DDX53: variants seen among roughly 807,000 people sequenced by gnomAD.
DDX53 encodes DEAD box protein 53.
For synonymous variants in DDX53, 179 were observed against 170.8 expected, an observed-to-expected ratio of 1.05 and a Z score of -0.37; for missense variants, 481 against 485.1, an observed-to-expected ratio of 0.99 and a Z score of 0.08.
In DDX53 at chrX:23,001,188, G is replaced by A. The variant is rs868827027; in HGVS notation, c.1131G>A (p.Glu377=). 1.7e-6 allele frequency: 2 copies of A among 1,211,396 alleles called. No homozygotes were observed. Among genetic ancestry groups the A allele is most frequent in the South Asian group, 1.8e-5 (1 of 56,877 alleles). The change falls in exon 1 of 1, where the codon GAG becomes GAA. Residue 377 remains glutamate (E), a synonymous_variant. Transcript: ENST00000327968. ...LRSITYLVID[E]ADKMLDMEFE... Reference sequence around the variant, plus strand: ...GCATAACCTACTTGGTTATAGATGAGGCAGATAAAATGCTGGATATGGAAT... The same window carrying A: ...GCATAACCTACTTGGTTATAGATGAAGCAGATAAAATGCTGGATATGGAAT...
chrX:23,002,008 G>T lies in DDX53; in HGVS notation c.*55G>T, dbSNP rs1177159201. 1.0e-6 allele frequency: 1 copy of T among 969,759 alleles called. No individual in the cohort carries two copies. Among genetic ancestry groups the T allele is most frequent in the Non-Finnish European group, 1.4e-6 (1 of 718,712 alleles). 79.9% of individuals were successfully genotyped at this position (969,759 alleles called of 1,213,427 possible). A position where few individuals can be genotyped will look rare whatever the true frequency, so the allele number is the denominator to read the frequency against. ...AGGCATGTTAAAGATATGCAGTATT[G>T]AATATATGTAAGGAAGTATTGGAAA... is the stretch of plus-strand genomic sequence containing the variant. On this transcript the variant is annotated 3_prime_UTR_variant, in exon 1 of 1. Transcript: ENST00000327968.
rs1057011550 is a variant in DDX53 at position 23,000,086 on chromosome X, G to C, written c.29G>C (p.Arg10Thr). 4 of 1,143,806 alleles carry C rather than the reference G, an allele frequency of 3.5e-6. No individual in the cohort carries two copies. In the African/African-American group the frequency reaches 7.3e-5, roughly 21 times the overall value. 94.3% of individuals were successfully genotyped at this position (1,143,806 alleles called of 1,213,427 possible). Residue 10 changes from arginine (R) to threonine (T), a missense_variant, in exon 1 of 1, where the codon AGG becomes ACG. By Grantham distance (71) the Arg-to-Thr change is moderately conservative (BLOSUM62 -1). Transcript: ENST00000327968. ...TCCCACTGGGCCCCAGAGTGGAAGA[G>C]GGCGGAGGCTAATCCAAGAGACCTT... MSHWAPEWK[R>T]AEANPRDLGA... is the part of the protein sequence containing the mutation.
At position 23,000,706 on chromosome X, in the gene DDX53, C is replaced by T. The variant is rs200822652; in HGVS notation, c.649C>T (p.Pro217Ser). ...DLKSGEKRLI[P>S]KPTCRFKDAF... ...GAAAAGTGGTGAAAAGCGTCTCATT[C>T]CAAAACCAACTTGCAGGTTTAAAGA... Residue 217 changes from proline (P) to serine (S), a missense_variant, in exon 1 of 1, where the codon CCA (proline) becomes TCA (serine). By Grantham distance (74) the Pro-to-Ser change is moderately conservative. Transcript: ENST00000327968. The T allele has an allele frequency of 1.2e-4, 140 of 1,210,093 alleles. 1 individual carries two copies. In the Admixed American group the frequency reaches 2.7e-3, roughly 24 times the overall value.
At position 23,001,640 on chromosome X, in the gene DDX53, C is replaced by A. The variant is rs1291512595; in HGVS notation, c.1583C>A (p.Ser528Tyr). ...IKILITTDIV[S>Y]RGLDLNDVTH... is the part of the protein sequence containing the mutation. ...ATACTGATTACAACTGATATAGTATCCCGAGGTCTTGATCTTAATGATGTC... is the reference window on the plus strand; with the variant it reads ...ATACTGATTACAACTGATATAGTATACCGAGGTCTTGATCTTAATGATGTC... Residue 528 changes from serine to tyrosine, a missense_variant, in exon 1 of 1, where the codon TCC becomes TAC. Ser to Tyr is a moderately radical substitution (Grantham distance 144). Transcript: ENST00000327968. 1 of 1,210,882 alleles carries A rather than the reference C, an allele frequency of 8.3e-7. No individual in the cohort carries two copies. Among genetic ancestry groups the A allele is most frequent in the Non-Finnish European group, 1.1e-6 (1 of 895,025 alleles).
In DDX53 at chrX:23,000,611, C is replaced by A. The variant is rs751186842; in HGVS notation, c.554C>A (p.Thr185Lys). Residue 185 changes from threonine (T) to lysine (K), a missense_variant, in exon 1 of 1, where the codon ACA becomes AAA. Transcript: ENST00000327968. The stretch of plus-strand genomic sequence containing the variant: ...AACTTTTACATAGAATCCAAAGCAA[C>A]AAGCTGCATGTCTGAAATGCAGGTG... ...KKNFYIESKA[T>K]SCMSEMQVIN... is the part of the protein sequence containing the mutation. 1.7e-6 allele frequency: 2 copies of A among 1,211,789 alleles called. No individual in the cohort carries two copies. The highest frequency in any genetic ancestry group is 3.5e-5 in the South Asian group (2 of 56,915).
In DDX53 at chrX:23,001,964, C is replaced by A; in HGVS notation, c.*11C>A. ...TATTTTTTAAGTTGAAAAGTTGTAC[C>A]AGGCTACTGGAAGATTCCAGGCATG... On this transcript the variant is annotated 3_prime_UTR_variant, in exon 1 of 1. Coordinates refer to ENST00000327968, the MANE Select transcript of DDX53 (RefSeq NM_182699.4). 1.7e-6 allele frequency: 2 copies of A among 1,158,296 alleles called. No homozygotes were observed. The highest frequency in any genetic ancestry group is 2.3e-6 in the Non-Finnish European group (2 of 865,123).
At position 23,000,133 on chromosome X, in the gene DDX53, G is replaced by A; in HGVS notation, c.76G>A (p.Gly26Ser). 8.4e-7 allele frequency: 1 copy of A among 1,190,004 alleles called. No individual in the cohort carries two copies. Among genetic ancestry groups the A allele is most frequent in the African/African-American group, 1.8e-5 (1 of 57,117 alleles). Reference sequence around the variant, plus strand: ...CCTTGGGGCCAGCTGGGATGTCAGGGGCAGCAGAGGCAGTGGCTGGAGTGG... The same window carrying A: ...CCTTGGGGCCAGCTGGGATGTCAGGAGCAGCAGAGGCAGTGGCTGGAGTGG... ...RDLGASWDVR[G>S]SRGSGWSGPF... The change falls in exon 1 of 1, where the codon GGC becomes AGC. Residue 26 changes from glycine (G) to serine (S), a missense_variant. Physicochemically the swap from Gly to Ser is moderately conservative, Grantham distance 56. Transcript: ENST00000327968.
In DDX53 at chrX:23,001,879, C is replaced by A. The variant is rs1403211498; in HGVS notation, c.1822C>A (p.Gln608Lys). The A allele has an allele frequency of 8.3e-7, 1 of 1,208,467 alleles. No individual in the cohort carries two copies. The highest frequency in any genetic ancestry group is 1.1e-6 in the Non-Finnish European group (1 of 894,406). ...VVMAEQYKLN[Q>K]QKRHRETRSR... ...AATGGCTGAGCAATACAAGTTAAATCAACAAAAGAGGCACAGAGAAACACG... is the reference window on the plus strand; with the variant it reads ...AATGGCTGAGCAATACAAGTTAAATAAACAAAAGAGGCACAGAGAAACACG... Residue 608 changes from glutamine to lysine, a missense_variant, in exon 1 of 1, where the codon CAA (glutamine) becomes AAA (lysine). Gln to Lys is a moderately conservative substitution (Grantham distance 53, BLOSUM62 1). Transcript: ENST00000327968.
rs748789157 is a variant in DDX53, at chrX:23,001,380, G to C, written c.1323G>C (p.Val441=). The change falls in exon 1 of 1, where the codon GTG becomes GTC. Residue 441 remains valine, a synonymous_variant. Transcript: ENST00000327968. ...GNLNLVAVNT[V]KQNIIVTTEK... is the part of the protein sequence containing the mutation. ...TGAATCTAGTGGCTGTAAATACAGTGAAGCAAAATATAATTGTTACCACAG... is the reference window on the plus strand; with the variant it reads ...TGAATCTAGTGGCTGTAAATACAGTCAAGCAAAATATAATTGTTACCACAG... 8.3e-7 allele frequency: 1 copy of C among 1,209,824 alleles called. No homozygotes were observed. Among genetic ancestry groups the C allele is most frequent in the Admixed American group, 2.2e-5 (1 of 45,888 alleles).
At position 23,000,537 on chromosome X, in the gene DDX53, C is replaced by A. The variant is rs749049454; in HGVS notation, c.480C>A (p.Val160=). 19 of 1,209,427 alleles carry A rather than the reference C, an allele frequency of 1.6e-5. No individual in the cohort carries two copies. In the South Asian group the frequency reaches 3.2e-4, roughly 20 times the overall value. Residue 160 remains valine (V), a synonymous_variant, in exon 1 of 1, where the codon GTC becomes GTA. Transcript: ENST00000327968. The part of the protein sequence containing the change: ...LSNWDRIRAA[V]VECEKRKWAD... ...ATTGGGATCGCATTAGGGCAGCAGTCGTGGAGTGCGAAAAGAGAAAATGGG... is the reference window on the plus strand; with the variant it reads ...ATTGGGATCGCATTAGGGCAGCAGTAGTGGAGTGCGAAAAGAGAAAATGGG...
At position 23,001,234 on chromosome X, in the gene DDX53, A is replaced by G; in HGVS notation, c.1177A>G (p.Ile393Val). Reference sequence around the variant, plus strand: ...GGAATTTGAACCCCAGATAAGGAAGATTTTATTAGATGTGCGCCCAGACCG... The same window carrying G: ...GGAATTTGAACCCCAGATAAGGAAGGTTTTATTAGATGTGCGCCCAGACCG... The part of the protein sequence containing the change: ...DMEFEPQIRK[I>V]LLDVRPDRQT... The change falls in exon 1 of 1, where the codon ATT becomes GTT. Residue 393 changes from isoleucine to valine, a missense_variant. Ile to Val is a conservative substitution (Grantham distance 29, BLOSUM62 3). Coordinates refer to ENST00000327968, the MANE Select transcript of DDX53 (RefSeq NM_182699.4). 3 of 1,211,339 alleles carry G rather than the reference A, an allele frequency of 2.5e-6. No homozygotes were observed. Among genetic ancestry groups the G allele is most frequent in the Non-Finnish European group, 3.4e-6 (3 of 895,247 alleles).
chrX:23,001,176 G>A lies in DDX53; in HGVS notation c.1119G>A (p.Leu373=). 2 of 1,211,269 alleles carry A rather than the reference G, an allele frequency of 1.7e-6. No homozygotes were observed. The highest frequency in any genetic ancestry group is 2.2e-6 in the Non-Finnish European group (2 of 895,377). ...TCAACCTAAGAAGCATAACCTACTTGGTTATAGATGAGGCAGATAAAATGC... is the reference window on the plus strand; with the variant it reads ...TCAACCTAAGAAGCATAACCTACTTAGTTATAGATGAGGCAGATAAAATGC... ...NSVNLRSITY[L]VIDEADKMLD... The change falls in exon 1 of 1, where the codon TTG becomes TTA. Residue 373 remains leucine, a synonymous_variant. Transcript: ENST00000327968.
Position 23,000,470 on chromosome X carries a change from T to C in DDX53, c.413T>C (p.Leu138Pro). The change falls in exon 1 of 1, where the codon CTA (leucine) becomes CCA (proline). Residue 138 changes from leucine to proline, a missense_variant. Physicochemically the swap from Leu to Pro is moderately conservative, Grantham distance 98 (BLOSUM62 -3). Coordinates refer to ENST00000327968, the MANE Select transcript of DDX53 (RefSeq NM_182699.4). The part of the protein sequence containing the change: ...AASQTPIGRN[L>P]GRNDIVGEAE... The stretch of plus-strand genomic sequence containing the variant: ...TCCCAAACCCCTATTGGAAGAAATC[T>C]AGGCAGAAATGACATTGTTGGAGAA... The C allele has an allele frequency of 8.3e-7, 1 of 1,211,769 alleles. No individual in the cohort carries two copies.
chrX:23,001,437 C>T lies in DDX53; in HGVS notation c.1380C>T (p.Phe460=), dbSNP rs1283919520. The T allele has an allele frequency of 8.3e-7, 1 of 1,209,003 alleles. No individual in the cohort carries two copies. Among genetic ancestry groups the T allele is most frequent in the Non-Finnish European group, 1.1e-6 (1 of 894,016 alleles). The change falls in exon 1 of 1, where the codon TTC becomes TTT. Residue 460 remains phenylalanine, a synonymous_variant. Transcript: ENST00000327968. ...EKEKRALTQE[F]VENMSPNDKV... The stretch of plus-strand genomic sequence containing the variant: ...AAAAACGAGCTCTCACCCAAGAATT[C>T]GTAGAGAACATGTCACCCAACGACA...
At position 23,000,972 on chromosome X, in the gene DDX53, T is replaced by C. The variant is rs1933800817; in HGVS notation, c.915T>C (p.Thr305=). Reference sequence around the variant, plus strand: ...CTGGGATGCTAGTCCTTACACCCACTAGAGAGTTGGCTCTTCACGTGGAAG... The same window carrying C: ...CTGGGATGCTAGTCCTTACACCCACCAGAGAGTTGGCTCTTCACGTGGAAG... The part of the protein sequence containing the change: ...NGPGMLVLTP[T]RELALHVEAE... Residue 305 remains threonine, a synonymous_variant, in exon 1 of 1, where the codon ACT becomes ACC. Coordinates refer to ENST00000327968, the MANE Select transcript of DDX53 (RefSeq NM_182699.4). The C allele has an allele frequency of 8.3e-7, 1 of 1,207,235 alleles. No homozygotes were observed.
Position 23,003,055 on chromosome X carries a change from T to C in DDX53, c.*1102T>C, listed in dbSNP as rs1031919197. The C allele has an allele frequency of 3.2e-5, 4 of 123,493 alleles. No individual in the cohort carries two copies. The highest frequency in any genetic ancestry group is 2.8e-4 in the East Asian group (1 of 3,588). The allele number at this position is 123,493 out of a possible 1,213,427, so 10.2% of individuals were successfully genotyped here. The stretch of plus-strand genomic sequence containing the variant: ...TAATTTTATAGTCTACCATGTCCAT[T>C]TGTCTTCTCTAAAACACTTGGTAGA... On this transcript the variant is annotated 3_prime_UTR_variant, in exon 1 of 1. Transcript: ENST00000327968.
In DDX53 at chrX:23,003,168, T is replaced by C. The variant is rs1933842745; in HGVS notation, c.*1215T>C. On this transcript the variant is annotated 3_prime_UTR_variant, in exon 1 of 1. Transcript: ENST00000327968. Reference sequence around the variant, plus strand: ...CTTATCCAGTCAAAGTATTCTCTTTTCCCCCGAGCAGTTGGTGCCACAACA... The same window carrying C: ...CTTATCCAGTCAAAGTATTCTCTTTCCCCCCGAGCAGTTGGTGCCACAACA... 1 of 123,989 alleles carries C rather than the reference T, an allele frequency of 8.1e-6. No individual in the cohort carries two copies. Among genetic ancestry groups the C allele is most frequent in the Admixed American group, 9.4e-5 (1 of 10,638 alleles). The allele number at this position is 123,989 out of a possible 1,213,427, so 10.2% of individuals were successfully genotyped here. A position where few individuals can be genotyped will look rare whatever the true frequency, so the allele number is the denominator to read the frequency against.
In DDX53 at chrX:23,000,179, C is replaced by T; in HGVS notation, c.122C>T (p.Pro41Leu). 2.5e-6 allele frequency: 3 copies of T among 1,199,488 alleles called. No homozygotes were observed. The highest frequency in any genetic ancestry group is 3.4e-6 in the Non-Finnish European group (3 of 888,382). The change falls in exon 1 of 1, where the codon CCG becomes CTG. Residue 41 changes from proline to leucine, a missense_variant. Transcript: ENST00000327968. ...GWSGPFGHQG[P>L]RAAGSREPPL... is the part of the protein sequence containing the mutation. ...AGTGGCCCCTTCGGCCATCAGGGAC[C>T]GAGAGCAGCAGGCTCCCGTGAACCA...
At position 23,002,261 on chromosome X, in the gene DDX53, G is replaced by C; in HGVS notation, c.*308G>C. ...TTTGTTAAAGAAACACGTGCCATGGGGGTTTATCAACTTTCAATATTGTGT... is the reference window on the plus strand; with the variant it reads ...TTTGTTAAAGAAACACGTGCCATGGCGGTTTATCAACTTTCAATATTGTGT... On this transcript the variant is annotated 3_prime_UTR_variant, in exon 1 of 1. Coordinates refer to ENST00000327968, the MANE Select transcript of DDX53 (RefSeq NM_182699.4). The C allele has an allele frequency of 5.3e-6, 1 of 189,507 alleles. No homozygotes were observed. Among genetic ancestry groups the C allele is most frequent in the African/African-American group, 2.9e-5 (1 of 34,245 alleles). The allele number at this position is 189,507 out of a possible 1,213,427, so 15.6% of individuals were successfully genotyped here.
Sources: allele counts gnomAD v4.1 joint callset, GRCh38; gene constraint gnomAD v4.1.1; transcripts MANE v1.5; gene names NCBI Gene and HGNC (gene_info 2026-07-23, HGNC 2026-07-21).